FSIP2: variants seen among roughly 807,000 people sequenced by gnomAD.
FSIP2 encodes fibrous sheath interacting protein 2, also known as fibrous sheath-interacting protein 2.
In FSIP2, 367 loss-of-function variants were observed where a neutral mutation model predicts 510.5. The observed-to-expected ratio is 0.72, with a 90% CI of 0.66 to 0.78. The LOEUF (loss-of-function observed/expected upper bound fraction) is 0.78. Among genes scored for constraint, FSIP2 ranks in the 30% least tolerant of loss-of-function variants. The pLI is 0.00. For missense variants in FSIP2, 7,594 were observed against 7,901.7 expected, an observed-to-expected ratio of 0.96 and a Z score of 1.48; for synonymous variants, 2,601 against 2,732.2, an observed-to-expected ratio of 0.95 and a Z score of 1.50.
chr2:185,783,571 A>T (rs759433476), intron 14 of FSIP2: 7 of 152,124 alleles, frequency 4.6e-5, no homozygotes, highest in Middle Eastern at 3.2e-3. Flanking sequence ...TTACTTTAAG[A>T]CTGATAAATA....
upstream of FSIP2, chr2:185,738,718 C>G (rs1343852347): frequency 1.3e-6 from 2 of 1,535,964 alleles, no homozygotes; most frequent in Non-Finnish European, 1.7e-6. Context: ...GCGAGCCGCC[C>G]CTCAGGAGGC....
intron 13 of FSIP2, among the ~76,000 whole-genome samples, chr2:185,774,812 A>G (rs1692684509): frequency 1.1e-5 from 1 of 91,134 alleles, no homozygotes; most frequent in Non-Finnish European, 2.2e-5. Context: ...ATTCCCACCT[A>G]TGAGTGAGAA....
chr2:185,831,298 T>C (rs1376323992), intron 21 of FSIP2, among the ~76,000 whole-genome samples: 6 of 151,810 alleles, frequency 4.0e-5, no homozygotes, highest in Admixed American at 2.0e-4. Flanking sequence ...GCATTCAAAA[T>C]TGATAAGGGT....
chr2:185,761,051 C>G lies in FSIP2; in HGVS notation c.1142C>G (p.Ser381Ter), dbSNP rs1559014401. Residue 381 changes from serine (S) to a stop codon, truncating the protein, a stop_gained, in exon 10 of 23, where the codon TCA (serine) becomes TGA (stop). Transcript: ENST00000424728. LOFTEE classifies it high-confidence loss of function. ...TCAAATAATTTTACGAAAAAAAACT[C>G]AGCTTCTGTTGTTTATCAGGCAGAT... is the stretch of plus-strand genomic sequence containing the variant. ...NSSNNFTKKN[S>*]ASVVYQADVQ... 1 of 1,505,990 alleles carries G rather than the reference C, an allele frequency of 6.6e-7. No individual in the cohort carries two copies. The highest frequency in any genetic ancestry group is 2.0e-5 in the Admixed American group (1 of 50,148). The allele number at this position is 1,505,990 out of a possible 1,614,324, so 93.3% of individuals were successfully genotyped here.
Position 185,753,631 on chromosome 2 carries a change from T to G in FSIP2, c.871-91T>G, listed in dbSNP as rs1692189072. On this transcript the variant is annotated intron_variant, in intron 7 of 22. Coordinates refer to ENST00000424728, the MANE Select transcript of FSIP2 (RefSeq NM_173651.4). Reference sequence around the variant, plus strand: ...AAATCAAGACAGGACTGATTATCCATTTTCAAAATATTGTCACATTTTAAA... The same window carrying G: ...AAATCAAGACAGGACTGATTATCCAGTTTCAAAATATTGTCACATTTTAAA... 3 of 636,638 alleles carry G rather than the reference T, an allele frequency of 4.7e-6. No individual in the cohort carries two copies. In the Admixed American group the frequency reaches 1.1e-4, roughly 23 times the overall value. 39.4% of individuals were successfully genotyped at this position (636,638 alleles called of 1,614,324 possible). A position where few individuals can be genotyped will look rare whatever the true frequency, so the allele number is the denominator to read the frequency against.
chr2:185,746,649 A>G lies in FSIP2; in HGVS notation c.618-20A>G. On this transcript the variant is annotated intron_variant, in intron 5 of 22. Coordinates refer to ENST00000424728, the MANE Select transcript of FSIP2 (RefSeq NM_173651.4). ...AGAAACAGCCAATTCACCTTTAGCA[A>G]TATTTGCACTCTTACTCAGATATTT... The G allele has an allele frequency of 2.0e-6, 3 of 1,483,866 alleles. No homozygotes were observed. The South Asian group carries it at 4.0e-5, about 20-fold the overall frequency. 91.9% of individuals were successfully genotyped at this position (1,483,866 alleles called of 1,614,324 possible).
At chr2:185,750,318 C>A (rs984309463) in intron 7 of FSIP2, among the ~76,000 whole-genome samples, 1 of 151,452 alleles carries the variant, frequency 6.6e-6, no homozygotes, top group Non-Finnish European at 1.5e-5. Context: ...TAACTACATA[C>A]CTATTCAAAA....
chr2:185,751,803 A>G (rs542114252), intron 7 of FSIP2, among the ~76,000 whole-genome samples: 15 of 151,256 alleles, frequency 9.9e-5, no homozygotes, highest in Non-Finnish European at 1.8e-4. Context: ...AAGTGTTATT[A>G]TACTGTATTA....
chr2:185,803,009 G>GT lies in FSIP2; in HGVS notation c.13704dup (p.Asn4569Ter), dbSNP rs1305887825. 5 of 1,530,332 alleles carry GT rather than the reference G, an allele frequency of 3.3e-6. No homozygotes were observed. Among genetic ancestry groups the GT allele is most frequent in the Non-Finnish European group, 4.4e-6 (5 of 1,144,202 alleles). 94.8% of individuals were successfully genotyped at this position (1,530,332 alleles called of 1,614,324 possible). On this transcript the variant is annotated frameshift_variant, in exon 17 of 23. Transcript: ENST00000424728. LOFTEE classifies it high-confidence loss of function. ...TCAGCTGTGCAAAATATCACAAGCAGTAATGACATTCTTATAGATAGAATA... is the reference window on the plus strand; with the variant it reads ...TCAGCTGTGCAAAATATCACAAGCAGTTAATGACATTCTTATAGATAGAATA...
chr2:185,793,010 C>T lies in FSIP2; in HGVS notation c.5874C>T (p.His1958=), dbSNP rs776340888. ...TGGCTTTACCTATTCAGCAAGATCA[C>T]AGTACATTGAGCAAAGCATTATCAG... ...VPVALPIQQD[H]STLSKALSAK... is the part of the protein sequence containing the mutation. Residue 1958 remains histidine (H), a synonymous_variant, in exon 16 of 23, where the codon CAC becomes CAT. Transcript: ENST00000424728. 10 of 1,534,282 alleles carry T rather than the reference C, an allele frequency of 6.5e-6. No homozygotes were observed. Among genetic ancestry groups the T allele is most frequent in the African/African-American group, 1.4e-5 (1 of 72,998 alleles).
chr2:185,765,005 A>G (rs1431626329), intron 13 of FSIP2: 1 of 152,372 alleles, frequency 6.6e-6, no homozygotes, highest in Non-Finnish European at 1.5e-5. Flanking sequence ...CTGCTTTTAC[A>G]GCAGCTTCTC....
chr2:185,811,550 A>G (rs1436911559), intron 17 of FSIP2, among the ~76,000 whole-genome samples: 2 of 151,566 alleles, frequency 1.3e-5, no homozygotes, highest in Non-Finnish European at 2.9e-5. Flanking sequence ...TTGTTTTTTG[A>G]GAGAAATTCA....
At chr2:185,776,121 CTT>C (rs1257096853) in intron 13 of FSIP2, among the ~76,000 whole-genome samples, 1 of 152,020 alleles carries the variant, frequency 6.6e-6, no homozygotes, top group Admixed American at 6.5e-5. Context: ...AGTACAAAAA[CTT>C]AGCCAGGCAT....
At chr2:185,742,013 G>A (rs562075937) in intron 2 of FSIP2, among the ~76,000 whole-genome samples, 2 of 152,248 alleles carry the variant, frequency 1.3e-5, no homozygotes, top group South Asian at 4.1e-4. Context: ...TGTTGTGGTA[G>A]TATAAATTGA....
chr2:185,792,840 C>T lies in FSIP2; in HGVS notation c.5704C>T (p.Gln1902Ter). The change falls in exon 16 of 23, where the codon CAG becomes TAG. Residue 1902 changes from glutamine to a stop codon, truncating the protein, a stop_gained. Coordinates refer to ENST00000424728, the MANE Select transcript of FSIP2 (RefSeq NM_173651.4). LOFTEE classifies it high-confidence loss of function. ...TALDENPCTF[Q>*]SRFSVADKET... is the part of the protein sequence containing the mutation. ...TTTGGATGAAAATCCATGTACTTTT[C>T]AGTCTAGATTCAGCGTTGCTGACAA... 1 of 1,534,404 alleles carries T rather than the reference C, an allele frequency of 6.5e-7. No individual in the cohort carries two copies. Among genetic ancestry groups the T allele is most frequent in the Non-Finnish European group, 8.7e-7 (1 of 1,145,740 alleles).
Position 185,791,998 on chromosome 2 carries a change from A to T in FSIP2, c.4862A>T (p.Tyr1621Phe). 6.5e-7 allele frequency: 1 copy of T among 1,534,000 alleles called. No individual in the cohort carries two copies. The highest frequency in any genetic ancestry group is 8.7e-7 in the Non-Finnish European group (1 of 1,145,402). The change falls in exon 16 of 23, where the codon TAT becomes TTT. Residue 1621 changes from tyrosine (Y) to phenylalanine (F), a missense_variant. Coordinates refer to ENST00000424728, the MANE Select transcript of FSIP2 (RefSeq NM_173651.4). ...NKKSNKIGWE[Y>F]ESTNISRDTH... ...AAAAGCAATAAGATAGGCTGGGAAT[A>T]TGAAAGCACCAATATTTCCAGAGAC...
chr2:185,795,783 T>C lies in FSIP2; in HGVS notation c.8647T>C (p.Leu2883=). The change falls in exon 16 of 23, where the codon TTA becomes CTA. Residue 2883 remains leucine, a synonymous_variant. Coordinates refer to ENST00000424728, the MANE Select transcript of FSIP2 (RefSeq NM_173651.4). ...AKELEYSLSL[L]NLPPLENCES... ...AGAATTAGAATATTCTCTTTCACTTTTAAATTTGCCCCCTCTTGAGAATTG... is the reference window on the plus strand; with the variant it reads ...AGAATTAGAATATTCTCTTTCACTTCTAAATTTGCCCCCTCTTGAGAATTG... The C allele has an allele frequency of 6.5e-7, 1 of 1,534,114 alleles. No individual in the cohort carries two copies. Among genetic ancestry groups the C allele is most frequent in the Non-Finnish European group, 8.7e-7 (1 of 1,145,404 alleles).
At position 185,802,495 on chromosome 2, in the gene FSIP2, G is replaced by T; in HGVS notation, c.13189G>T (p.Asp4397Tyr). ...CCTTGCTGTTGATAAAGAGTCTGAA[G>T]ACAGTGGCATTTTTGTGGAAAATAT... ...LDLAVDKESE[D>Y]SGIFVENITN... The change falls in exon 17 of 23, where the codon GAC becomes TAC. Residue 4397 changes from aspartate to tyrosine, a missense_variant. Coordinates refer to ENST00000424728, the MANE Select transcript of FSIP2 (RefSeq NM_173651.4). 1 of 1,533,016 alleles carries T rather than the reference G, an allele frequency of 6.5e-7. No individual in the cohort carries two copies. The allele number at this position is 1,533,016 out of a possible 1,614,324, so 95.0% of individuals were successfully genotyped here.
chr2:185,811,769 G>T (rs945670255), intron 17 of FSIP2, among the ~76,000 whole-genome samples: 1 of 152,020 alleles, frequency 6.6e-6, no homozygotes, highest in Non-Finnish European at 1.5e-5. Flanking sequence ...CATTCCCACC[G>T]CAACTTTTCT....
Sources: allele counts gnomAD v4.1 joint callset (sites outside exome capture counted in the v4.1 genomes callset), GRCh38; gene constraint gnomAD v4.1.1; transcripts MANE v1.5; gene names NCBI Gene and HGNC (gene_info 2026-07-23, HGNC 2026-07-21).